CYLC2: variants seen among roughly 807,000 people sequenced by gnomAD.
CYLC2 encodes the protein cylicin 2.
Under a neutral mutation model 26.1 loss-of-function variants are expected in CYLC2, and 30 were observed. That is an observed-to-expected ratio of 1.15 (90% CI 0.86 to 1.56). The LOEUF is 1.56. Among genes scored for constraint, CYLC2 ranks in the 40% most tolerant of loss-of-function variants. The probability of loss-of-function intolerance (pLI) is 0.00; values close to 1 mark genes in which losing one functional copy is unlikely to be tolerated. For missense variants in CYLC2, 498 were observed against 394.4 expected (o/e 1.26, Z -2.23); for synonymous variants, 158 against 132.8 (o/e 1.19, Z -1.31).
In CYLC2 at chr9:103,001,633, A is replaced by G. The variant is rs753977129; in HGVS notation, c.58+15A>G. ...TTACATTCCAGGTAAGAAAGCATTC[A>G]ATATTTATTACAAAACAGGTGTGCT... On this transcript the variant is annotated intron_variant, in intron 2 of 7. Coordinates refer to ENST00000374798, the MANE Select transcript of CYLC2 (RefSeq NM_001340.5). 1.3e-6 allele frequency: 2 copies of G among 1,507,874 alleles called. No homozygotes were observed. The highest frequency in any genetic ancestry group is 1.8e-6 in the Non-Finnish European group (2 of 1,087,920). The allele number at this position is 1,507,874 out of a possible 1,614,324, so 93.4% of individuals were successfully genotyped here.
In CYLC2 at chr9:103,010,100, T is replaced by A. The variant is rs1013100307; in HGVS notation, c.*701-1882T>A. Reference sequence around the variant, plus strand: ...TATGCAATAATTTTATTATCACTAATTGATTCAAACTTATTTTCATGAGAA... The same window carrying A: ...TATGCAATAATTTTATTATCACTAAATGATTCAAACTTATTTTCATGAGAA... On this transcript the variant is annotated intron_variant, in intron 5 of 7. Transcript: ENST00000374798. 6.6e-5 allele frequency among the ~76,000 whole-genome samples: 10 copies of A among 152,044 alleles called. 1 individual carries two copies. Among genetic ancestry groups the A allele is most frequent in the African/African-American group, 2.4e-4 (10 of 41,518 alleles).
At chr9:102,995,715 A>G (rs1231393767) in intron 1 of CYLC2, among the ~76,000 whole-genome samples, 2 of 151,822 alleles carry the variant, frequency 1.3e-5, no homozygotes, top group Non-Finnish European at 2.9e-5. Flanking sequence ...CATGATTTTC[A>G]GTCAGGGAAC....
intron 5 of CYLC2, among the ~76,000 whole-genome samples, chr9:103,011,318 T>A (rs1350557591): frequency 6.6e-6 from 1 of 152,200 alleles, no homozygotes; most frequent in African/African-American, 2.4e-5. Context: ...TTAGTGTAAC[T>A]TTAAAACAGG....
intron 1 of CYLC2, among the ~76,000 whole-genome samples, chr9:102,998,028 T>C (rs957308407): frequency 2.6e-5 from 4 of 151,956 alleles, no homozygotes; most frequent in Admixed American, 1.3e-4. Flanking sequence ...TTCTACATTG[T>C]TGACAATGGG....
rs1469470770 is a variant in CYLC2 at position 103,004,747 on chromosome 9, A to G, written c.233A>G (p.Tyr78Cys). ...GATCGTAGACAACCATTATGGATGT[A>G]CCGTTCTTTAATGAGAATTTCTGAG... The part of the protein sequence containing the change: ...RGDRRQPLWM[Y>C]RSLMRISERP... Residue 78 changes from tyrosine (Y) to cysteine (C), a missense_variant, in exon 4 of 8, where the codon TAC becomes TGC. Coordinates refer to ENST00000374798, the MANE Select transcript of CYLC2 (RefSeq NM_001340.5). 1 of 1,608,898 alleles carries G rather than the reference A, an allele frequency of 6.2e-7. No homozygotes were observed. Among genetic ancestry groups the G allele is most frequent in the Admixed American group, 1.7e-5 (1 of 59,112 alleles).
At position 103,013,655 on chromosome 9, in the gene CYLC2, A is replaced by T. The variant is rs1244737493; in HGVS notation, c.*816+1558A>T. On this transcript the variant is annotated intron_variant, in intron 6 of 7. Transcript: ENST00000374798. ...AGATATATATTTATATAAAAATATA[A>T]ATATATTATATTAAATAATATATAT... 3.6e-5 allele frequency among the ~76,000 whole-genome samples: 4 copies of T among 111,330 alleles called. No homozygotes were observed. The South Asian group carries it at 1.1e-3, about 32-fold the overall frequency. 73.0% of individuals were successfully genotyped at this position (111,330 alleles called of 152,430 possible).
Position 103,005,297 on chromosome 9 carries a change from G to T in CYLC2, c.666G>T (p.Lys222Asn). 3.1e-6 allele frequency: 5 copies of T among 1,613,604 alleles called. No individual in the cohort carries two copies. The highest frequency in any genetic ancestry group is 4.2e-6 in the Non-Finnish European group (5 of 1,179,886). Residue 222 changes from lysine (K) to asparagine (N), a missense_variant, in exon 5 of 8, where the codon AAG becomes AAT. By Grantham distance (94) the Lys-to-Asn change is moderately conservative. Coordinates refer to ENST00000374798, the MANE Select transcript of CYLC2 (RefSeq NM_001340.5). ...AGAAAGATAGCAAAAAAGGTAAAAA[G>T]GATTCAAAGAAGGGCAAGGATTCAG... ...GTEKDSKKGK[K>N]DSKKGKDSAI...
intron 3 of CYLC2, 61 bp from the exon 4 acceptor site, chr9:103,004,634 A>T (rs2118236603): frequency 1.7e-6 from 2 of 1,173,846 alleles, no homozygotes; most frequent in South Asian, 3.2e-5. Context: ...TTTGGGATAT[A>T]TTAATACAAA....
chr9:103,013,261 GTTATATA>G (rs1289620232), intron 6 of CYLC2, among the ~76,000 whole-genome samples: 1 of 82,310 alleles, frequency 1.2e-5, no homozygotes, highest in African/African-American at 5.2e-5. Context: ...TATTTAATGT[GTTATATA>G]TATTATATAT....
rs538577365 is a variant in CYLC2, at chr9:103,015,034, T to C, written c.*817-1854T>C. On this transcript the variant is annotated intron_variant, in intron 6 of 7. Transcript: ENST00000374798. ...TATTATGTAGTATACATAATACATGTGATATACATAATTTGTATATTATGT... is the reference window on the plus strand; with the variant it reads ...TATTATGTAGTATACATAATACATGCGATATACATAATTTGTATATTATGT... Among the ~76,000 whole-genome samples the C allele has an allele frequency of 5.3e-4, 66 of 123,408 alleles. 1 individual carries two copies. In the East Asian group the frequency reaches 0.016, roughly 30 times the overall value. 81.0% of individuals were successfully genotyped at this position (123,408 alleles called of 152,430 possible). A position where few individuals can be genotyped will look rare whatever the true frequency, so the allele number is the denominator to read the frequency against.
At chr9:103,011,575 G>C (rs1200880519) in intron 5 of CYLC2, among the ~76,000 whole-genome samples, 1 of 152,018 alleles carries the variant, frequency 6.6e-6, no homozygotes, top group Non-Finnish European at 1.5e-5. Context: ...ATGGGGGAGG[G>C]AGTGATGGCT....
chr9:103,011,645 A>C (rs1829407950), intron 5 of CYLC2, among the ~76,000 whole-genome samples: 1 of 152,106 alleles, frequency 6.6e-6, no homozygotes, highest in Admixed American at 6.6e-5. Flanking sequence ...AGAGATGGCA[A>C]AATCCAAAAC....
rs1554712892 is a variant in CYLC2 at position 103,006,071 on chromosome 9, CAG to C, written c.*394_*395del. On this transcript the variant is annotated 3_prime_UTR_variant, in exon 5 of 8. Coordinates refer to ENST00000374798, the MANE Select transcript of CYLC2 (RefSeq NM_001340.5). ...ACACACACACACACACACACACACA[CAG>C]TTTAATGAAGGCTTAAAGAATCCAA... is the stretch of plus-strand genomic sequence containing the variant. 0.013 allele frequency: 1,808 copies of C among 140,816 alleles called. 18 individuals carry two copies. The highest frequency in any genetic ancestry group is 0.029 in the Admixed American group (379 of 13,146). 8.7% of individuals were successfully genotyped at this position (140,816 alleles called of 1,614,324 possible).
intron 1 of CYLC2, among the ~76,000 whole-genome samples, chr9:103,001,152 G>T (rs976981630): frequency 6.6e-6 from 1 of 151,882 alleles, no homozygotes; most frequent in Non-Finnish European, 1.5e-5. Flanking sequence ...CATAAGCGTA[G>T]AGTTTACAAA....
rs1464981995 is a variant in CYLC2, at chr9:103,013,654, A to G, written c.*816+1557A>G. 2.4e-4 allele frequency among the ~76,000 whole-genome samples: 27 copies of G among 111,706 alleles called. 1 individual carries two copies. The East Asian group carries it at 6.0e-3, about 25-fold the overall frequency. The allele number at this position is 111,706 out of a possible 152,430, so 73.3% of individuals were successfully genotyped here. On this transcript the variant is annotated intron_variant, in intron 6 of 7. Transcript: ENST00000374798. ...TAGATATATATTTATATAAAAATAT[A>G]AATATATTATATTAAATAATATATA...
intron 5 of CYLC2, among the ~76,000 whole-genome samples, chr9:103,009,444 T>C (rs958424833): frequency 1.3e-5 from 2 of 151,984 alleles, no homozygotes; most frequent in Non-Finnish European, 2.9e-5. Flanking sequence ...GCTCAAGCAA[T>C]CCACCCGCCT....
At chr9:102,998,289 A>G (rs1829256777) in intron 1 of CYLC2, among the ~76,000 whole-genome samples, 1 of 152,032 alleles carries the variant, frequency 6.6e-6, no homozygotes, top group Non-Finnish European at 1.5e-5. Context: ...TTAAGTCATT[A>G]AATTAGATCT....
In CYLC2 at chr9:103,013,333, A is replaced by C. The variant is rs1322697186; in HGVS notation, c.*816+1236A>C. Reference sequence around the variant, plus strand: ...ATGTTTATATAACCTATATATATTTAATATATTATATAAATATATATTATA... The same window carrying C: ...ATGTTTATATAACCTATATATATTTCATATATTATATAAATATATATTATA... On this transcript the variant is annotated intron_variant, in intron 6 of 7. Coordinates refer to ENST00000374798, the MANE Select transcript of CYLC2 (RefSeq NM_001340.5). Among the ~76,000 whole-genome samples the C allele has an allele frequency of 1.1e-3, 19 of 17,808 alleles. 1 individual carries two copies. Among genetic ancestry groups the C allele is most frequent in the African/African-American group, 2.6e-3 (18 of 6,966 alleles). The allele number at this position is 17,808 out of a possible 152,430, so 11.7% of individuals were successfully genotyped here.
At chr9:103,014,803 T>G (rs1466724916) in intron 6 of CYLC2, among the ~76,000 whole-genome samples, 2 of 81,976 alleles carry the variant, frequency 2.4e-5, no homozygotes, top group African/African-American at 4.8e-5. Context: ...GTAATATACG[T>G]ATGTATATTA....
Sources: allele counts gnomAD v4.1 joint callset (sites outside exome capture counted in the v4.1 genomes callset), GRCh38; gene constraint gnomAD v4.1.1; transcripts MANE v1.5; gene names NCBI Gene and HGNC (gene_info 2026-07-23, HGNC 2026-07-21).